CELF2: variants seen among roughly 807,000 people sequenced by gnomAD.
CELF2 encodes CUGBP Elav-like family member 2.
In CELF2, 8 loss-of-function variants were observed where a neutral mutation model predicts 62.6. The observed-to-expected ratio is 0.13, with a 90% confidence interval of 0.07 to 0.23. The LOEUF (loss-of-function observed/expected upper bound fraction) is 0.23, where lower values mean the gene tolerates loss of function less well. Ranked by LOEUF, CELF2 falls within the 10% of genes least tolerant of loss-of-function variation. The pLI, the probability that CELF2 is intolerant of heterozygous loss-of-function variation, is 1.00. For missense variants in CELF2, 333 were observed against 671.0 expected, an observed-to-expected ratio of 0.50 and a Z score of 5.56; for synonymous variants, 258 against 250.0, an observed-to-expected ratio of 1.03 and a Z score of -0.30.
At chr10:10,988,486 T>G (rs2053068122) in intron 2 of CELF2, among the ~76,000 whole-genome samples, 1 of 151,968 alleles carries the variant, frequency 6.6e-6, no homozygotes, top group South Asian at 2.1e-4. Context: ...GGCATAAGAA[T>G]GATATAATGG....
chr10:10,817,478 C>T (rs4749991), intron 1 of CELF2, among the ~76,000 whole-genome samples: 92,930 of 151,978 alleles, frequency 0.61, 28,604 homozygotes, highest in African/African-American at 0.68. Context: ...CCCCGCATTA[C>T]GCTTCCCAGC....
chr10:11,319,869 GCT>G lies in CELF2; in HGVS notation c.1097-1317_1097-1316del, dbSNP rs1352134991. On this transcript the variant is annotated intron_variant, in intron 10 of 12. Coordinates refer to ENST00000633077, the MANE Select transcript of CELF2 (RefSeq NM_001326342.2). The surrounding 1 kb of genome is among the most constrained non-coding windows in gnomAD (Gnocchi z 4.4). ...GGAGTAAACAGAACATTCCCCACCT[GCT>G]CTGTTAGGGCAGTAGCGTTGCTGGG... 3 of 470,962 alleles carry G rather than the reference GCT, an allele frequency of 6.4e-6. No individual in the cohort carries two copies. The highest frequency in any genetic ancestry group is 6.0e-5 in the African/African-American group (3 of 50,054). The allele number at this position is 470,962 out of a possible 1,614,324, so 29.2% of individuals were successfully genotyped here.
rs1370617638 is a variant in CELF2 at position 11,165,254 on chromosome 10, C to G, written c.75-232C>G. 7.3e-7 allele frequency: 1 copy of G among 1,369,242 alleles called. No homozygotes were observed. The highest frequency in any genetic ancestry group is 1.5e-5 in the African/African-American group (1 of 67,744). The allele number at this position is 1,369,242 out of a possible 1,614,324, so 84.8% of individuals were successfully genotyped here. ...AGGCGGCAGGGCGCTGCCCCGTGCT[C>G]CCCCGGCTCTGCTCGACAGCAGCAC... On this transcript the variant is annotated intron_variant, in intron 1 of 12. Coordinates refer to ENST00000633077, the MANE Select transcript of CELF2 (RefSeq NM_001326342.2). The surrounding 1 kb of genome is among the most constrained non-coding windows in gnomAD (Gnocchi z 7.4).
the CELF2 span, among the ~76,000 whole-genome samples, chr10:10,683,581 G>A: frequency 6.6e-6 from 1 of 152,164 alleles, no homozygotes; most frequent in African/African-American, 2.4e-5. Context: ...GGAATAACAT[G>A]TAGTGAACTG....
intron 2 of CELF2, among the ~76,000 whole-genome samples, chr10:10,999,610 A>G (rs1175096799): frequency 6.6e-6 from 1 of 152,216 alleles, no homozygotes; most frequent in Non-Finnish European, 1.5e-5. Context: ...CTGAAAAAGT[A>G]TAAAAAATTA....
At chr10:10,643,710 G>A in the CELF2 span, among the ~76,000 whole-genome samples, 1 of 152,090 alleles carries the variant, frequency 6.6e-6, no homozygotes, top group Admixed American at 6.5e-5. Context: ...GTTCCTTCTA[G>A]GGAAGAGGAC....
At chr10:11,111,865 T>C (rs2055265535) in intron 1 of CELF2, among the ~76,000 whole-genome samples, 1 of 152,148 alleles carries the variant, frequency 6.6e-6, no homozygotes, top group Non-Finnish European at 1.5e-5. Context: ...GCAATGGAAG[T>C]TTTATCTTTT....
rs59618351 is a variant in CELF2 at position 10,912,701 on chromosome 10, C to T, written c.54-7263C>T. 2.7e-3 allele frequency among the ~76,000 whole-genome samples: 415 copies of T among 152,242 alleles called. 1 individual carries two copies. Among genetic ancestry groups the T allele is most frequent in the African/African-American group, 9.7e-3 (403 of 41,524 alleles). On this transcript the variant is annotated intron_variant, in intron 1 of 13. Coordinates refer to the CELF2 transcript ENST00000636488. ...TTTTTTTGTTGCTGTTGTTCATTTG[C>T]TATAGCAGAAGCCAGAAGGGGTGCA...
At chr10:11,147,119 G>T (rs945244266) in intron 1 of CELF2, among the ~76,000 whole-genome samples, 4 of 152,122 alleles carry the variant, frequency 2.6e-5, no homozygotes, top group African/African-American at 9.7e-5. Context: ...CCACTCCCTT[G>T]TGCCTGCCAG....
intron 1 of CELF2, among the ~76,000 whole-genome samples, chr10:10,897,188 C>T (rs1006119251): frequency 1.3e-5 from 2 of 152,104 alleles, no homozygotes; most frequent in Non-Finnish European, 2.9e-5. Flanking sequence ...TTAGAGAATA[C>T]CTATATCATC....
At chr10:10,939,180 A>AGTGCTT (rs2046750492) in intron 2 of CELF2, among the ~76,000 whole-genome samples, 1 of 86,062 alleles carries the variant, frequency 1.2e-5, no homozygotes, top group Non-Finnish European at 2.6e-5. Context: ...CCTAGGCTGT[A>AGTGCTT]GTGCTTGATA....
intron 2 of CELF2, among the ~76,000 whole-genome samples, chr10:11,188,912 C>G (rs552441374): frequency 1.3e-5 from 2 of 152,264 alleles, no homozygotes; most frequent in Non-Finnish European, 2.9e-5. Context: ...TTAATCCCAT[C>G]CAGTGTTTTC....
At chr10:10,680,144 C>CGTATGTAT in the CELF2 span, among the ~76,000 whole-genome samples, 549 of 150,762 alleles carry the variant, frequency 3.6e-3, 4 homozygotes, top group African/African-American at 9.5e-3. Context: ...TATGTATGTA[C>CGTATGTAT]GTATGTATGT....
intron 1 of CELF2, among the ~76,000 whole-genome samples, chr10:10,913,324 C>G (rs542337905): frequency 7.3e-6 from 1 of 137,764 alleles, no homozygotes; most frequent in Non-Finnish European, 1.5e-5. Flanking sequence ...AGGTTCACCA[C>G]ACAAGAAAAA....
At chr10:10,705,857 C>T in the CELF2 span, among the ~76,000 whole-genome samples, 3 of 152,142 alleles carry the variant, frequency 2.0e-5, no homozygotes, top group African/African-American at 7.2e-5. Flanking sequence ...GCCACTCTGC[C>T]AGTGTAATCA....
intron 1 of CELF2, among the ~76,000 whole-genome samples, chr10:11,037,625 G>A (rs2061175255): frequency 6.6e-6 from 1 of 152,160 alleles, no homozygotes; most frequent in Non-Finnish European, 1.5e-5. Flanking sequence ...TTTATTAAGA[G>A]TGTAACAAAC....
At chr10:11,132,717 G>C (rs1229844975) in intron 1 of CELF2, among the ~76,000 whole-genome samples, 1 of 152,166 alleles carries the variant, frequency 6.6e-6, no homozygotes, top group Non-Finnish European at 1.5e-5. Flanking sequence ...CTAAATGCCT[G>C]CCTAGGAGAA....
intron 1 of CELF2, among the ~76,000 whole-genome samples, chr10:11,061,415 C>T (rs765944560): frequency 6.6e-6 from 1 of 152,208 alleles, no homozygotes; most frequent in Non-Finnish European, 1.5e-5. Flanking sequence ...GGAAAGAAGC[C>T]ATCTCCATAG....
chr10:11,179,157 T>G (rs1158220860), intron 2 of CELF2, among the ~76,000 whole-genome samples: 1 of 152,234 alleles, frequency 6.6e-6, no homozygotes, highest in Admixed American at 6.5e-5. Context: ...CTAAGCCATG[T>G]GTGTTCCATA....
Sources: gnomAD v4.1 joint callset for allele counts (sites outside exome capture counted in the v4.1 genomes callset) on GRCh38, gnomAD v4.1.1 for gene constraint, Gnocchi (gnomAD v3.1) non-coding constraint, MANE v1.5 for transcripts, NCBI Gene and HGNC (gene_info 2026-07-23, HGNC 2026-07-21) for gene names.